AMH: variants seen among roughly 807,000 people sequenced by gnomAD.
AMH encodes the protein anti-Muellerian hormone.
Under a neutral mutation model 33.3 loss-of-function variants are expected in AMH, and 39 were observed. That is an observed-to-expected ratio of 1.17 (90% CI 0.91 to 1.53). The LOEUF (loss-of-function observed/expected upper bound fraction) is 1.53. Among genes scored for constraint, AMH ranks in the 40% most tolerant of loss-of-function variants. The probability of loss-of-function intolerance (pLI) is 0.00; values close to 1 mark genes in which losing one functional copy is unlikely to be tolerated. For missense variants in AMH, 1,019 were observed against 799.8 expected (o/e 1.27, Z -3.30); for synonymous variants, 536 against 403.0 (o/e 1.33, Z -3.95).
intron 1 of AMH, 66 bp from the exon 2 acceptor site, chr19:2,250,271 A>T: frequency 6.5e-7 from 1 of 1,544,998 alleles, no homozygotes; most frequent in Non-Finnish European, 8.7e-7. Flanking sequence ...GCAGGGACAG[A>T]TCCCAAAGAT....
In AMH at chr19:2,249,684, C is replaced by A; in HGVS notation, c.352C>A (p.Leu118Met). 1 of 1,501,946 alleles carries A rather than the reference C, an allele frequency of 6.7e-7. No homozygotes were observed. Among genetic ancestry groups the A allele is most frequent in the Non-Finnish European group, 8.8e-7 (1 of 1,130,220 alleles). 93.0% of individuals were successfully genotyped at this position (1,501,946 alleles called of 1,614,324 possible). ...RQAALPSLRR[L>M]GAWLRDPGGQ... is the part of the protein sequence containing the mutation. ...GGCTGCCTTGCCCTCTCTACGGCGGCTGGGGGCCTGGCTGCGGGACCCTGG... is the reference window on the plus strand; with the variant it reads ...GGCTGCCTTGCCCTCTCTACGGCGGATGGGGGCCTGGCTGCGGGACCCTGG... The change falls in exon 1 of 5, where the codon CTG (leucine) becomes ATG (methionine). Residue 118 changes from leucine (L) to methionine (M), a missense_variant. Coordinates refer to ENST00000221496, the MANE Select transcript of AMH (RefSeq NM_000479.5).
chr19:2,249,512 C>T lies in AMH; in HGVS notation c.180C>T (p.Gly60=), dbSNP rs138350437. Reference sequence around the variant, plus strand: ...AGCCTCTGTGCCTGGTGGCACTGGGCGGGGACAGCAATGGCAGCAGCTCCC... The same window carrying T: ...AGCCTCTGTGCCTGGTGGCACTGGGTGGGGACAGCAATGGCAGCAGCTCCC... ...PQEPLCLVAL[G]GDSNGSSSPL... Residue 60 remains glycine, a synonymous_variant, in exon 1 of 5, where the codon GGC becomes GGT. Transcript: ENST00000221496. 91 of 1,605,018 alleles carry T rather than the reference C, an allele frequency of 5.7e-5. No individual in the cohort carries two copies. The highest frequency in any genetic ancestry group is 6.8e-5 in the Non-Finnish European group (80 of 1,177,224).
chr19:2,250,230 G>A (rs1438205520), intron 1 of AMH, 107 bp from the exon 2 acceptor site: 15 of 1,512,888 alleles, frequency 9.9e-6, no homozygotes, highest in East Asian at 9.8e-5. Context: ...CTTGTCCCCC[G>A]CTTGAGGTCC....
rs2025059293 is a variant in AMH at position 2,252,052 on chromosome 19, T to C, written c.*95T>C. ...ATTCGGACCCCAAGCATCGCCCCAA[T>C]AAAGACCAGCAAGCAACCGGCTGGG... On this transcript the variant is annotated 3_prime_UTR_variant, in exon 5 of 5. Transcript: ENST00000221496. 3 of 1,492,998 alleles carry C rather than the reference T, an allele frequency of 2.0e-6. No homozygotes were observed. The highest frequency in any genetic ancestry group is 2.7e-6 in the Non-Finnish European group (3 of 1,116,124). 92.5% of individuals were successfully genotyped at this position (1,492,998 alleles called of 1,614,324 possible).
Position 2,251,320 on chromosome 19 carries a change from T to TGCTGAGGCCC in AMH, c.1047_1056dup (p.Thr353AlafsTer33), listed in dbSNP as rs1193772582. The stretch of plus-strand genomic sequence containing the variant: ...GACGGCGAGGAGCCGCTGCTGCTGC[T>TGCTGAGGCCC]GCTGAGGCCCACTGCGGCCACCACC... On this transcript the variant is annotated frameshift_variant, in exon 5 of 5. Transcript: ENST00000221496. LOFTEE classifies it low-confidence loss of function (END_TRUNC). 5 of 1,501,496 alleles carry TGCTGAGGCCC rather than the reference T, an allele frequency of 3.3e-6. No homozygotes were observed. Among genetic ancestry groups the TGCTGAGGCCC allele is most frequent in the Middle Eastern group, 2.3e-4 (1 of 4,336 alleles). 93.0% of individuals were successfully genotyped at this position (1,501,496 alleles called of 1,614,324 possible).
chr19:2,250,704 C>T lies in AMH; in HGVS notation c.608C>T (p.Pro203Leu), dbSNP rs1166638658. 1 of 1,539,016 alleles carries T rather than the reference C, an allele frequency of 6.5e-7. No individual in the cohort carries two copies. ...TRYLVLAVDR[P>L]AGAWRGSGLA... is the part of the protein sequence containing the mutation. ...TACCTGGTGTTAGCGGTGGACCGCC[C>T]TGCGGGGGCCTGGCGCGGCTCCGGG... is the stretch of plus-strand genomic sequence containing the variant. Residue 203 changes from proline to leucine, a missense_variant, in exon 3 of 5, where the codon CCT becomes CTT. Physicochemically the swap from Pro to Leu is moderately conservative, Grantham distance 98. Transcript: ENST00000221496.
At position 2,251,392 on chromosome 19, in the gene AMH, C is replaced by A; in HGVS notation, c.1118C>A (p.Thr373Lys). ...LHDPTSAPWA[T>K]ALARRVAAEL... ...GACCCCACGTCGGCGCCGTGGGCCACGGCCCTGGCGCGCCGCGTGGCTGCT... is the reference window on the plus strand; with the variant it reads ...GACCCCACGTCGGCGCCGTGGGCCAAGGCCCTGGCGCGCCGCGTGGCTGCT... The change falls in exon 5 of 5, where the codon ACG becomes AAG. Residue 373 changes from threonine (T) to lysine (K), a missense_variant. By Grantham distance (78) the Thr-to-Lys change is moderately conservative. Coordinates refer to ENST00000221496, the MANE Select transcript of AMH (RefSeq NM_000479.5). 2 of 1,451,598 alleles carry A rather than the reference C, an allele frequency of 1.4e-6. No individual in the cohort carries two copies. Among genetic ancestry groups the A allele is most frequent in the Non-Finnish European group, 1.8e-6 (2 of 1,109,218 alleles). 89.9% of individuals were successfully genotyped at this position (1,451,598 alleles called of 1,614,324 possible).
chr19:2,251,782 A>G lies in AMH; in HGVS notation c.1508A>G (p.Tyr503Cys). Residue 503 changes from tyrosine to cysteine, a missense_variant, in exon 5 of 5, where the codon TAC (tyrosine) becomes TGC (cysteine). Physicochemically the swap from Tyr to Cys is radical, Grantham distance 194. Coordinates refer to ENST00000221496, the MANE Select transcript of AMH (RefSeq NM_000479.5). ...CCTCAGTCCGACCGCAACCCGCGCT[A>G]CGGCAACCACGTGGTGCTGCTGCTG... ...GWPQSDRNPR[Y>C]GNHVVLLLKM... 1 of 1,610,178 alleles carries G rather than the reference A, an allele frequency of 6.2e-7. No individual in the cohort carries two copies.
In AMH at chr19:2,251,278, C is replaced by T. The variant is rs1455909092; in HGVS notation, c.1004C>T (p.Ala335Val). Residue 335 changes from alanine (A) to valine (V), a missense_variant, in exon 5 of 5, where the codon GCG (alanine) becomes GTG (valine). Coordinates refer to ENST00000221496, the MANE Select transcript of AMH (RefSeq NM_000479.5). ...QGLVNLSDPA[A>V]LERLLDGEEP... ...CTAGTCAACCTGTCGGACCCCGCGG[C>T]GCTGGAGCGCCTACTCGACGGCGAG... 6.0e-6 allele frequency: 9 copies of T among 1,504,026 alleles called. No homozygotes were observed. The highest frequency in any genetic ancestry group is 2.7e-5 in the East Asian group (1 of 37,094). 93.2% of individuals were successfully genotyped at this position (1,504,026 alleles called of 1,614,324 possible). A position where few individuals can be genotyped will look rare whatever the true frequency, so the allele number is the denominator to read the frequency against.
In AMH at chr19:2,251,539, T is replaced by C; in HGVS notation, c.1265T>C (p.Leu422Pro). 7.5e-7 allele frequency: 1 copy of C among 1,339,858 alleles called. No homozygotes were observed. 83.0% of individuals were successfully genotyped at this position (1,339,858 alleles called of 1,614,324 possible). ...PGGPGGLGDP[L>P]RALLLLKALQ... ...GGCCCCGGCGGCCTCGGCGATCCCCTGCGAGCGCTGCTGCTCCTGAAGGCG... is the reference window on the plus strand; with the variant it reads ...GGCCCCGGCGGCCTCGGCGATCCCCCGCGAGCGCTGCTGCTCCTGAAGGCG... Residue 422 changes from leucine (L) to proline (P), a missense_variant, in exon 5 of 5, where the codon CTG (leucine) becomes CCG (proline). Coordinates refer to ENST00000221496, the MANE Select transcript of AMH (RefSeq NM_000479.5).
chr19:2,250,726 C>T lies in AMH; in HGVS notation c.630C>T (p.Ser210=). Residue 210 remains serine, a synonymous_variant, in exon 3 of 5, where the codon TCC becomes TCT. Transcript: ENST00000221496. ...VDRPAGAWRG[S]GLALTLQPRG... ...GCCCTGCGGGGGCCTGGCGCGGCTCCGGGCTGGCCTTGACCCTGCAGCCCC... is the reference window on the plus strand; with the variant it reads ...GCCCTGCGGGGGCCTGGCGCGGCTCTGGGCTGGCCTTGACCCTGCAGCCCC... 1 of 1,537,850 alleles carries T rather than the reference C, an allele frequency of 6.5e-7. No homozygotes were observed. The highest frequency in any genetic ancestry group is 8.7e-7 in the Non-Finnish European group (1 of 1,147,688).
chr19:2,249,632 C>G lies in AMH; in HGVS notation c.300C>G (p.Phe100Leu). The change falls in exon 1 of 5, where the codon TTC becomes TTG. Residue 100 changes from phenylalanine (F) to leucine (L), a missense_variant. Phe to Leu is a conservative substitution (Grantham distance 22). Transcript: ENST00000221496. ...ARWGPRDLAT[F>L]GVCNTGDRQA... is the part of the protein sequence containing the mutation. ...GGGGCCCCCGAGACCTGGCCACCTT[C>G]GGGGTCTGCAACACCGGTGACAGGC... 6.5e-7 allele frequency: 1 copy of G among 1,529,304 alleles called. No homozygotes were observed. The allele number at this position is 1,529,304 out of a possible 1,614,324, so 94.7% of individuals were successfully genotyped here.
intron 4 of AMH, 37 bp downstream of exon 4, chr19:2,251,045 C>A (rs764785266): frequency 1.3e-6 from 2 of 1,526,596 alleles, no homozygotes; most frequent in East Asian, 2.5e-5. Context: ...CAGGAGCGGG[C>A]GGGGGCGGCG....
At position 2,251,565 on chromosome 19, in the gene AMH, C is replaced by T. The variant is rs1322788916; in HGVS notation, c.1291C>T (p.Leu431=). The T allele has an allele frequency of 2.3e-6, 3 of 1,312,364 alleles. No individual in the cohort carries two copies. Among genetic ancestry groups the T allele is most frequent in the African/African-American group, 3.1e-5 (2 of 64,516 alleles). The allele number at this position is 1,312,364 out of a possible 1,614,324, so 81.3% of individuals were successfully genotyped here. Residue 431 remains leucine, a synonymous_variant, in exon 5 of 5, where the codon CTG becomes TTG. Coordinates refer to ENST00000221496, the MANE Select transcript of AMH (RefSeq NM_000479.5). Reference sequence around the variant, plus strand: ...GCGAGCGCTGCTGCTCCTGAAGGCGCTGCAGGGCCTGCGCGTGGAGTGGCG... The same window carrying T: ...GCGAGCGCTGCTGCTCCTGAAGGCGTTGCAGGGCCTGCGCGTGGAGTGGCG... The part of the protein sequence containing the change: ...PLRALLLLKA[L]QGLRVEWRGR...
chr19:2,250,960 C>T lies in AMH; in HGVS notation c.776C>T (p.Pro259Leu), dbSNP rs1446872555. ...LLLLPRSEPA[P>L]LPAHGQLDTV... Reference sequence around the variant, plus strand: ...CTGCTGCCGCGGTCCGAGCCCGCGCCGCTGCCTGCGCACGGCCAGCTGGAC... The same window carrying T: ...CTGCTGCCGCGGTCCGAGCCCGCGCTGCTGCCTGCGCACGGCCAGCTGGAC... Residue 259 changes from proline (P) to leucine (L), a missense_variant, in exon 4 of 5, where the codon CCG (proline) becomes CTG (leucine). Physicochemically the swap from Pro to Leu is moderately conservative, Grantham distance 98. Coordinates refer to ENST00000221496, the MANE Select transcript of AMH (RefSeq NM_000479.5). 2.6e-6 allele frequency: 4 copies of T among 1,522,160 alleles called. No homozygotes were observed. Among genetic ancestry groups the T allele is most frequent in the Non-Finnish European group, 3.5e-6 (4 of 1,142,582 alleles). 94.3% of individuals were successfully genotyped at this position (1,522,160 alleles called of 1,614,324 possible). A position where few individuals can be genotyped will look rare whatever the true frequency, so the allele number is the denominator to read the frequency against.
At chr19:2,250,568 ACC>A in intron 2 of AMH, 82 bp from the exon 3 acceptor site, 1 of 1,537,940 alleles carries the variant, frequency 6.5e-7, no homozygotes, top group South Asian at 1.2e-5. Flanking sequence ...ACAGCGTAGA[ACC>A]AGTGGCGATG....
intron 1 of AMH, chr19:2,250,021 G>A (rs1256122219): frequency 3.1e-5 from 19 of 611,930 alleles, no homozygotes; most frequent in Non-Finnish European, 5.1e-5. Context: ...CTCGGGGCCA[G>A]TGGAACCCTT....
In AMH at chr19:2,250,498, G is replaced by C. The variant is rs2025013695; in HGVS notation, c.555+19G>C. 2 of 1,546,278 alleles carry C rather than the reference G, an allele frequency of 1.3e-6. No individual in the cohort carries two copies. Among genetic ancestry groups the C allele is most frequent in the Non-Finnish European group, 1.7e-6 (2 of 1,146,434 alleles). ...TGCCCAGGTACCAGGGAGTTGCATG[G>C]GGCAGTGCCCGGGCCGTGGCGGGGG... On this transcript the variant is annotated intron_variant, in intron 2 of 4. Coordinates refer to ENST00000221496, the MANE Select transcript of AMH (RefSeq NM_000479.5).
chr19:2,250,778 G>A lies in AMH; in HGVS notation c.664+18G>A, dbSNP rs1403059439. On this transcript the variant is annotated intron_variant, in intron 3 of 4. Transcript: ENST00000221496. ...CGGAGAGGGTAGGTCCGCGTGGAGA[G>A]GGACGGGGAGCCGGGTCGACTGCCC... The A allele has an allele frequency of 6.5e-7, 1 of 1,535,128 alleles. No homozygotes were observed. The highest frequency in any genetic ancestry group is 1.2e-5 in the South Asian group (1 of 84,148).
Sources: gnomAD v4.1 joint callset for allele counts on GRCh38, gnomAD v4.1.1 for gene constraint, MANE v1.5 for transcripts, NCBI Gene and HGNC (gene_info 2026-07-23, HGNC 2026-07-21) for gene names.